Variants in TAOK3 observed in about 807,000 individuals in gnomAD.
TAOK3 encodes the protein serine/threonine-protein kinase TAO3.
A neutral mutation model predicts 120.4 loss-of-function variants in TAOK3; 40 were observed. The observed-to-expected ratio is 0.33, with a 90% CI of 0.26 to 0.43. TAOK3 has a LOEUF of 0.43. Among genes scored for constraint, TAOK3 ranks in the 20% least tolerant of loss-of-function variants. The probability of loss-of-function intolerance (pLI) is 1.00; values close to 1 mark genes in which losing one functional copy is unlikely to be tolerated. For missense variants in TAOK3, 821 were observed against 1,112.1 expected, an observed-to-expected ratio of 0.74 and a Z score of 3.72; for synonymous variants, 355 against 387.5, an observed-to-expected ratio of 0.92 and a Z score of 0.99.
chr12:118,234,465 C>G (rs560873860), intron 8 of TAOK3, among the ~76,000 whole-genome samples: 5 of 151,858 alleles, frequency 3.3e-5, no homozygotes, highest in Admixed American at 6.6e-5. Flanking sequence ...AGGATGGTCT[C>G]GATCTCCTGA....
chr12:118,302,315 T>C (rs1017599613), intron 1 of TAOK3, among the ~76,000 whole-genome samples: 6 of 152,212 alleles, frequency 3.9e-5, no homozygotes, highest in African/African-American at 1.4e-4. Context: ...CTGGAGGGTT[T>C]TGGCACTGCC....
intron 1 of TAOK3, among the ~76,000 whole-genome samples, chr12:118,341,433 A>G (rs1343848383): frequency 6.6e-6 from 1 of 152,120 alleles, no homozygotes; most frequent in Non-Finnish European, 1.5e-5. Context: ...AGTCCAAATT[A>G]GGTCCATCTG....
intron 1 of TAOK3, among the ~76,000 whole-genome samples, chr12:118,307,277 C>G (rs749984659): frequency 6.6e-6 from 1 of 151,582 alleles, no homozygotes; most frequent in Non-Finnish European, 1.5e-5. Flanking sequence ...ATTTGTAAAA[C>G]AGAAAGCAAA....
intron 1 of TAOK3, among the ~76,000 whole-genome samples, chr12:118,343,948 C>T (rs2044740405): frequency 6.0e-5 from 9 of 150,650 alleles, no homozygotes; most frequent in Admixed American, 6.0e-4. Flanking sequence ...GGAGGTGGAG[C>T]TTGCAGTGAG....
At chr12:118,291,917 G>C (rs934755939) in intron 1 of TAOK3, among the ~76,000 whole-genome samples, 4 of 152,038 alleles carry the variant, frequency 2.6e-5, no homozygotes, top group African/African-American at 9.7e-5. Context: ...GGGTTCAAGC[G>C]ATTCTCCTGC....
intron 11 of TAOK3, among the ~76,000 whole-genome samples, chr12:118,209,812 C>T (rs2038530563): frequency 6.6e-6 from 1 of 151,810 alleles, no homozygotes. Flanking sequence ...CTCCCAGGCT[C>T]AAGTGATTCT....
At chr12:118,239,602 T>C (rs1004132459) in intron 5 of TAOK3, among the ~76,000 whole-genome samples, 2 of 152,240 alleles carry the variant, frequency 1.3e-5, no homozygotes, top group African/African-American at 4.8e-5. Context: ...GTGACTATGT[T>C]GTACTATAAA....
intron 1 of TAOK3, among the ~76,000 whole-genome samples, chr12:118,350,994 C>A (rs1446987209): frequency 6.6e-6 from 1 of 150,640 alleles, no homozygotes; most frequent in South Asian, 2.1e-4. Context: ...CCCTGGCCAA[C>A]GTGGTGAAAC....
At position 118,243,534 on chromosome 12, in the gene TAOK3, G is replaced by T; in HGVS notation, c.193-18C>A. Reference sequence around the variant, plus strand: ...TGCCATTTCTATTGAAGTCAGAAAAGGAACATTTTAATTTAATTTTTGATA... The same window carrying T: ...TGCCATTTCTATTGAAGTCAGAAAATGAACATTTTAATTTAATTTTTGATA... On this transcript the variant is annotated intron_variant, in intron 4 of 20. Coordinates refer to ENST00000392533, the MANE Select transcript of TAOK3 (RefSeq NM_016281.4). The T allele has an allele frequency of 8.8e-7, 1 of 1,138,968 alleles. No individual in the cohort carries two copies. The highest frequency in any genetic ancestry group is 2.7e-5 in the Admixed American group (1 of 36,540). 70.6% of individuals were successfully genotyped at this position (1,138,968 alleles called of 1,614,324 possible).
intron 1 of TAOK3, among the ~76,000 whole-genome samples, chr12:118,274,654 A>G (rs1218007139): frequency 1.3e-5 from 2 of 152,196 alleles, no homozygotes; most frequent in Non-Finnish European, 2.9e-5. Flanking sequence ...TTTTAAAGAC[A>G]GTCTCACTCT....
At chr12:118,323,129 G>T (rs1194775615) in intron 1 of TAOK3, among the ~76,000 whole-genome samples, 1 of 151,954 alleles carries the variant, frequency 6.6e-6, no homozygotes, top group Non-Finnish European at 1.5e-5. Context: ...TAAACAGCTA[G>T]GTATATTCAG....
intron 14 of TAOK3, among the ~76,000 whole-genome samples, chr12:118,182,031 A>G (rs1313597763): frequency 1.3e-5 from 2 of 152,098 alleles, no homozygotes; most frequent in Non-Finnish European, 2.9e-5. Flanking sequence ...CTAAAAATAC[A>G]AAAATTAGCC....
At chr12:118,274,795 A>ATT (rs34458120) in intron 1 of TAOK3, among the ~76,000 whole-genome samples, 4 of 141,818 alleles carry the variant, frequency 2.8e-5, no homozygotes, top group Non-Finnish European at 6.2e-5. Flanking sequence ...CACCCTGTTA[A>ATT]TTTTTTTTTT....
intron 17 of TAOK3, among the ~76,000 whole-genome samples, chr12:118,167,774 C>G (rs1236423251): frequency 6.6e-6 from 1 of 151,472 alleles, no homozygotes; most frequent in African/African-American, 2.4e-5. Context: ...TTATATCTCT[C>G]CTAGGAATTT....
At chr12:118,256,158 A>T (rs117520152) in intron 2 of TAOK3, 1 of 152,200 alleles carries the variant, frequency 6.6e-6, no homozygotes, top group African/African-American at 2.4e-5. Context: ...GACCATTAAC[A>T]TATGAGAAGA....
chr12:118,156,965 C>T (rs781422675), intron 19 of TAOK3, among the ~76,000 whole-genome samples: 3 of 152,226 alleles, frequency 2.0e-5, no homozygotes, highest in Non-Finnish European at 4.4e-5. Flanking sequence ...GTCTCGAACT[C>T]CTGACCTCAG....
At chr12:118,250,930 CG>C (rs1201821498) in intron 3 of TAOK3, among the ~76,000 whole-genome samples, 2 of 152,026 alleles carry the variant, frequency 1.3e-5, no homozygotes, top group Admixed American at 1.3e-4. Flanking sequence ...GAACAGTTTA[CG>C]CAAGATTCCA....
At chr12:118,248,479 T>C (rs968581833) in intron 3 of TAOK3, among the ~76,000 whole-genome samples, 1 of 152,092 alleles carries the variant, frequency 6.6e-6, no homozygotes, top group Non-Finnish European at 1.5e-5. Context: ...GTAAATTCAG[T>C]ATTACAATAA....
chr12:118,159,833 G>T, intron 19 of TAOK3: 1 of 368,398 alleles, frequency 2.7e-6, no homozygotes. Context: ...TGCGGGGAGG[G>T]CAGTCAGTAA....
Sources: allele counts gnomAD v4.1 joint callset (sites outside exome capture counted in the v4.1 genomes callset), GRCh38; gene constraint gnomAD v4.1.1; transcripts MANE v1.5; gene names NCBI Gene and HGNC (gene_info 2026-07-23, HGNC 2026-07-21).